SHC4: variants seen among roughly 807,000 people sequenced by gnomAD.
SHC4 encodes the protein SHC adaptor protein 4, also known as SHC-transforming protein 4.
Under a neutral mutation model 69.4 loss-of-function variants are expected in SHC4, and 41 were observed. The ratio of observed to expected loss-of-function variants is 0.59; its 90% CI spans 0.46 to 0.77. SHC4 has a LOEUF of 0.77. SHC4 is among the 30% of genes least tolerant of loss of function. The probability of loss-of-function intolerance (pLI) is 0.00; values close to 1 mark genes in which losing one functional copy is unlikely to be tolerated. For synonymous variants in SHC4, 318 were observed against 299.3 expected (o/e 1.06, Z -0.64); for missense variants, 777 against 783.8 (o/e 0.99, Z 0.10).
intron 9 of SHC4, among the ~76,000 whole-genome samples, chr15:48,849,178 G>A (rs1899156959): frequency 6.6e-6 from 1 of 152,040 alleles, no homozygotes; most frequent in South Asian, 2.1e-4. Context: ...CTGGGAACTG[G>A]TCCTGGCATG....
chr15:48,875,470 G>C (rs1397888437), intron 4 of SHC4, among the ~76,000 whole-genome samples: 6 of 152,214 alleles, frequency 3.9e-5, no homozygotes, highest in Middle Eastern at 3.2e-3. Context: ...TTTCAGGAGA[G>C]GCTGCAGTTC....
At chr15:48,931,301 A>T (rs1032909254) in intron 1 of SHC4, among the ~76,000 whole-genome samples, 1 of 151,904 alleles carries the variant, frequency 6.6e-6, no homozygotes, top group Non-Finnish European at 1.5e-5. Flanking sequence ...TAGCATGTAC[A>T]CTCCTTTGCT....
At chr15:48,849,763 C>G (rs1285809110) in intron 9 of SHC4, among the ~76,000 whole-genome samples, 1 of 152,106 alleles carries the variant, frequency 6.6e-6, no homozygotes, top group African/African-American at 2.4e-5. Context: ...TGTCAGAGAG[C>G]ATAACTTTTA....
intron 1 of SHC4, chr15:48,947,827 T>C (rs2141037827): frequency 6.6e-6 from 1 of 152,340 alleles, no homozygotes; most frequent in South Asian, 2.1e-4. Context: ...GTTTGCAGAA[T>C]GCTATGGAGA....
intron 3 of SHC4, among the ~76,000 whole-genome samples, chr15:48,887,833 C>A (rs1425433042): frequency 2.6e-5 from 4 of 152,074 alleles, no homozygotes; most frequent in Admixed American, 6.5e-5. Flanking sequence ...ACTACCAATT[C>A]TATAGAAATA....
chr15:48,908,950 G>T (rs545564669), intron 2 of SHC4, among the ~76,000 whole-genome samples: 148 of 152,282 alleles, frequency 9.7e-4, no homozygotes, highest in African/African-American at 3.4e-3. Context: ...GGTGACTATG[G>T]CACTATAGTA....
chr15:48,962,493 T>C lies in SHC4; in HGVS notation c.523A>G (p.Ser175Gly). Residue 175 changes from serine (S) to glycine (G), a missense_variant, in exon 1 of 12, where the codon AGC (serine) becomes GGC (glycine). Coordinates refer to ENST00000332408, the MANE Select transcript of SHC4 (RefSeq NM_203349.4). ...TGTAGAAAGTGCCTGTCCTGCCTGC[T>C]CCTAAGTGTTGGCTCCCCAGGGCCA... is the stretch of plus-strand genomic sequence containing the variant. The part of the protein sequence containing the change: ...LPGPGEPTLR[S>G]RQDRHFLQHL... The C allele has an allele frequency of 6.4e-7, 1 of 1,557,716 alleles. No homozygotes were observed. The highest frequency in any genetic ancestry group is 8.7e-7 in the Non-Finnish European group (1 of 1,153,232).
chr15:48,850,598 A>G (rs1298742607), intron 9 of SHC4, among the ~76,000 whole-genome samples: 1 of 152,242 alleles, frequency 6.6e-6, no homozygotes, highest in African/African-American at 2.4e-5. Flanking sequence ...TAAAATGACT[A>G]ACTCACAATA....
intron 2 of SHC4, among the ~76,000 whole-genome samples, chr15:48,910,173 T>A (rs1881643316): frequency 6.6e-6 from 1 of 152,160 alleles, no homozygotes; most frequent in African/African-American, 2.4e-5. Context: ...CTGCTGTGAA[T>A]CCATCTGGTC....
At chr15:48,870,122 A>T (rs1435970910) in intron 5 of SHC4, among the ~76,000 whole-genome samples, 2 of 152,248 alleles carry the variant, frequency 1.3e-5, no homozygotes, top group Non-Finnish European at 2.9e-5. Context: ...ATTATTTTTC[A>T]CACTACATGT....
rs1900365534 is a variant in SHC4, at chr15:48,904,230, A to G, written c.657-13419T>C. Among the ~76,000 whole-genome samples the G allele has an allele frequency of 2.0e-5, 3 of 152,164 alleles. No homozygotes were observed. The South Asian group carries it at 6.2e-4, about 32-fold the overall frequency. ...ATGCACAAGAGGCAGGGCAGATCTG[A>G]TTTCCAGTTCTACCACCTATTGACT... On this transcript the variant is annotated intron_variant, in intron 2 of 11. Coordinates refer to ENST00000332408, the MANE Select transcript of SHC4 (RefSeq NM_203349.4).
chr15:48,834,045 C>T (rs1898856382), intron 11 of SHC4, among the ~76,000 whole-genome samples: 2 of 152,158 alleles, frequency 1.3e-5, no homozygotes, highest in South Asian at 4.1e-4. Flanking sequence ...GCTTTGATTG[C>T]ATCATTTGTC....
chr15:48,852,943 TA>T (rs910104161), intron 8 of SHC4, among the ~76,000 whole-genome samples: 39 of 140,638 alleles, frequency 2.8e-4, no homozygotes, highest in Non-Finnish European at 9.4e-5. Context: ...AATAAATAAA[TA>T]AAATAAAAAT....
Position 48,854,398 on chromosome 15 carries a change from C to A in SHC4, c.1242+1555G>T, listed in dbSNP as rs568453419. On this transcript the variant is annotated intron_variant, in intron 8 of 11. Transcript: ENST00000332408. The stretch of plus-strand genomic sequence containing the variant: ...AAACTAGTCCAGTCACTGTGAAAAG[C>A]AGTTTGGAGAGTTCTCAAAGAACTT... Among the ~76,000 whole-genome samples the A allele has an allele frequency of 3.9e-5, 6 of 152,310 alleles. No homozygotes were observed. In the South Asian group the frequency reaches 6.2e-4, roughly 16 times the overall value.
chr15:48,897,230 G>T (rs778311208), intron 2 of SHC4, among the ~76,000 whole-genome samples: 2 of 152,168 alleles, frequency 1.3e-5, no homozygotes, highest in Non-Finnish European at 2.9e-5. Context: ...ACCAACAGTG[G>T]CCACTTTGTT....
Position 48,950,343 on chromosome 15 carries a change from T to C in SHC4, c.585+12088A>G, listed in dbSNP as rs1901347473. 2.6e-5 allele frequency among the ~76,000 whole-genome samples: 4 copies of C among 151,550 alleles called. No individual in the cohort carries two copies. In the South Asian group the frequency reaches 8.3e-4, roughly 31 times the overall value. On this transcript the variant is annotated intron_variant, in intron 1 of 11. Coordinates refer to ENST00000332408, the MANE Select transcript of SHC4 (RefSeq NM_203349.4). ...ATTAGGGACCATCTCAGAGGCCATC[T>C]CCTTAGGAAGCTTTCCTTGATTACT...
chr15:48,843,514 A>G lies in SHC4; in HGVS notation c.1378T>C (p.Phe460Leu), dbSNP rs777694575. 1 of 1,614,186 alleles carries G rather than the reference A, an allele frequency of 6.2e-7. No individual in the cohort carries two copies. Among genetic ancestry groups the G allele is most frequent in the South Asian group, 1.1e-5 (1 of 91,080 alleles). ...GTATTAATGTAGCAGGGGTCATCAA[A>G]GAGATCCACTCGGCACGTGTGCTTC... is the stretch of plus-strand genomic sequence containing the variant. ...LLKHTCRVDL[F>L]DDPCYINTQA... Residue 460 changes from phenylalanine (F) to leucine (L), a missense_variant, in exon 10 of 12, where the codon TTT (phenylalanine) becomes CTT (leucine). Phe to Leu is a conservative substitution (Grantham distance 22, BLOSUM62 0). Transcript: ENST00000332408.
rs1898655641 is a variant in SHC4 at position 48,824,913 on chromosome 15, T to C, written c.*1058A>G. 2 of 123,954 alleles carry C rather than the reference T, an allele frequency of 1.6e-5. No homozygotes were observed. Among genetic ancestry groups the C allele is most frequent in the African/African-American group, 6.1e-5 (2 of 32,986 alleles). 7.7% of individuals were successfully genotyped at this position (123,954 alleles called of 1,614,324 possible). On this transcript the variant is annotated 3_prime_UTR_variant, in exon 12 of 12. Transcript: ENST00000332408. ...TCTACATGTGGAAAATCTTTCCAAG[T>C]GCTTCATTCAATATGTTTTTTTTTC...
chr15:48,833,157 C>A (rs1303173406), intron 11 of SHC4, among the ~76,000 whole-genome samples: 1 of 152,152 alleles, frequency 6.6e-6, no homozygotes, highest in East Asian at 1.9e-4. Context: ...CCTTTCCTTA[C>A]AAACTGGCTT....
Sources: gnomAD v4.1 joint callset for allele counts (sites outside exome capture counted in the v4.1 genomes callset) on GRCh38, gnomAD v4.1.1 for gene constraint, MANE v1.5 for transcripts, NCBI Gene and HGNC (gene_info 2026-07-23, HGNC 2026-07-21) for gene names.